Variants in KIAA1614 observed in about 807,000 individuals in gnomAD.
KIAA1614 encodes the protein uncharacterized protein KIAA1614.
Under a neutral mutation model 88.7 loss-of-function variants are expected in KIAA1614, and 76 were observed. The ratio of observed to expected loss-of-function variants is 0.86; its 90% CI spans 0.71 to 1.04. The LOEUF is 1.04. Ranked by LOEUF, KIAA1614 falls within the 50% of genes least tolerant of loss-of-function variation. KIAA1614 has a pLI of 0.00. For missense variants in KIAA1614, 1,553 were observed against 1,582.5 expected, an observed-to-expected ratio of 0.98 and a Z score of 0.32; for synonymous variants, 714 against 675.5, an observed-to-expected ratio of 1.06 and a Z score of -0.88.
In KIAA1614 at chr1:180,916,677, T is replaced by C; in HGVS notation, c.574T>C (p.Trp192Arg). 1.9e-6 allele frequency: 3 copies of C among 1,604,584 alleles called. No homozygotes were observed. Among genetic ancestry groups the C allele is most frequent in the Non-Finnish European group, 2.6e-6 (3 of 1,174,086 alleles). ...RGSPWPPEAEWTLPDHDRGPL... is the reference protein window; with the variant it reads ...RGSPWPPEAERTLPDHDRGPL... ...GAGCCCGTGGCCTCCAGAAGCCGAA[T>C]GGACACTTCCTGACCATGACAGAGG... The change falls in exon 2 of 9, where the codon TGG becomes CGG. Residue 192 changes from tryptophan to arginine, a missense_variant. Physicochemically the swap from Trp to Arg is moderately radical, Grantham distance 101. Coordinates refer to ENST00000367588, the MANE Select transcript of KIAA1614 (RefSeq NM_020950.2).
chr1:180,916,849 T>A lies in KIAA1614; in HGVS notation c.746T>A (p.Val249Glu). 1 of 1,614,220 alleles carries A rather than the reference T, an allele frequency of 6.2e-7. No homozygotes were observed. The highest frequency in any genetic ancestry group is 8.5e-7 in the Non-Finnish European group (1 of 1,180,034). ...GRSYPFPDGV[V>E]TEADLDSTSL... The stretch of plus-strand genomic sequence containing the variant: ...TCCTACCCTTTTCCAGATGGCGTGG[T>A]GACAGAGGCAGATCTGGATAGCACA... Residue 249 changes from valine (V) to glutamate (E), a missense_variant, in exon 2 of 9, where the codon GTG becomes GAG. Transcript: ENST00000367588.
intron 4 of KIAA1614, among the ~76,000 whole-genome samples, chr1:180,931,673 T>C (rs1654200537): frequency 6.6e-6 from 1 of 152,256 alleles, no homozygotes; most frequent in Admixed American, 6.5e-5. Flanking sequence ...AGAACAAAAA[T>C]GTCTGCCTCT....
intron 5 of KIAA1614, among the ~76,000 whole-genome samples, chr1:180,937,357 C>T (rs574529036): frequency 6.7e-4 from 102 of 152,334 alleles, no homozygotes; most frequent in African/African-American, 2.4e-3. Context: ...CCAGACCCTC[C>T]CTGGCCCCTG....
Position 180,950,927 on chromosome 1 carries a change from C to G in KIAA1614, c.*5339C>G, listed in dbSNP as rs761464885. On this transcript the variant is annotated 3_prime_UTR_variant, in exon 9 of 9. Coordinates refer to ENST00000367588, the MANE Select transcript of KIAA1614 (RefSeq NM_020950.2). The stretch of plus-strand genomic sequence containing the variant: ...GGCTACAGCCTCCAACACTGTGGAA[C>G]CAAAGAAAGCACATGTCCATATTGG... 6.6e-6 allele frequency: 1 copy of G among 152,328 alleles called. No individual in the cohort carries two copies. The highest frequency in any genetic ancestry group is 1.5e-5 in the Non-Finnish European group (1 of 68,150). The allele number at this position is 152,328 out of a possible 1,614,324, so 9.4% of individuals were successfully genotyped here. A position where few individuals can be genotyped will look rare whatever the true frequency, so the allele number is the denominator to read the frequency against.
In KIAA1614 at chr1:180,916,627, CT is replaced by C; in HGVS notation, c.525del (p.Gly176AspfsTer74). The C allele has an allele frequency of 2.5e-6, 4 of 1,602,132 alleles. No homozygotes were observed. The highest frequency in any genetic ancestry group is 1.3e-5 in the African/African-American group (1 of 74,790). The stretch of plus-strand genomic sequence containing the variant: ...CCCAGGCTTCCCAGGCCGCCTGCCC[CT>C]GGACGTGAGTACTGCAACAGGGGGA... ...GGPRLPRPPAPGREYCNRGSP... is the reference protein window; with the variant it reads ...GGPRLPRPPAXGREYCNRGSP... On this transcript the variant is annotated frameshift_variant, in exon 2 of 9. Transcript: ENST00000367588. LOFTEE classifies it high-confidence loss of function.
At chr1:180,914,618 C>T (rs988661921) in intron 1 of KIAA1614, among the ~76,000 whole-genome samples, 10 of 149,624 alleles carry the variant, frequency 6.7e-5, no homozygotes, top group South Asian at 6.4e-4. Context: ...GGCGGGATCT[C>T]GCCTCACTGT....
Position 180,936,235 on chromosome 1 carries a change from G to C in KIAA1614, c.2326G>C (p.Val776Leu), listed in dbSNP as rs764507693. The change falls in exon 5 of 9, where the codon GTC (valine) becomes CTC (leucine). Residue 776 changes from valine to leucine, a missense_variant. Coordinates refer to ENST00000367588, the MANE Select transcript of KIAA1614 (RefSeq NM_020950.2). ...VTESHESLEIVSPSSLQQSHA... is the reference protein window; with the variant it reads ...VTESHESLEILSPSSLQQSHA... ...AGAAAGCCACGAGTCCCTGGAAATT[G>C]TCTCTCCTTCCTCCCTGCAACAGAG... is the stretch of plus-strand genomic sequence containing the variant. The C allele has an allele frequency of 1.9e-6, 3 of 1,614,206 alleles. No individual in the cohort carries two copies. The highest frequency in any genetic ancestry group is 2.2e-5 in the East Asian group (1 of 44,894).
intron 2 of KIAA1614, among the ~76,000 whole-genome samples, chr1:180,917,535 G>A (rs75647104): frequency 0.013 from 1,992 of 152,094 alleles, 48 homozygotes; most frequent in African/African-American, 0.045. Context: ...GAGCTCAGAC[G>A]GTAGCACCAA....
Position 180,916,844 on chromosome 1 carries a change from C to T in KIAA1614, c.741C>T (p.Gly247=), listed in dbSNP as rs374668814. 183 of 1,614,116 alleles carry T rather than the reference C, an allele frequency of 1.1e-4. No individual in the cohort carries two copies. Among genetic ancestry groups the T allele is most frequent in the Non-Finnish European group, 1.3e-4 (159 of 1,180,052 alleles). Residue 247 remains glycine, a synonymous_variant, in exon 2 of 9, where the codon GGC becomes GGT. Transcript: ENST00000367588. ...GAAGGTCCTACCCTTTTCCAGATGG[C>T]GTGGTGACAGAGGCAGATCTGGATA... ...RTGRSYPFPD[G]VVTEADLDST... is the part of the protein sequence containing the mutation.
At chr1:180,913,884 A>G (rs1164573972) in intron 1 of KIAA1614, 3 of 152,238 alleles carry the variant, frequency 2.0e-5, no homozygotes, top group East Asian at 3.8e-4. Flanking sequence ...AGATTAACTC[A>G]TAGAACAAAT....
At position 180,935,297 on chromosome 1, in the gene KIAA1614, G is replaced by C. The variant is rs764657961; in HGVS notation, c.1388G>C (p.Arg463Pro). The C allele has an allele frequency of 2.0e-6, 3 of 1,494,846 alleles. No individual in the cohort carries two copies. The highest frequency in any genetic ancestry group is 2.7e-6 in the Non-Finnish European group (3 of 1,126,058). 92.6% of individuals were successfully genotyped at this position (1,494,846 alleles called of 1,614,324 possible). ...EDESAREAEF[R>P]HLERLQQRQR... ...GAGTCCGCCCGCGAAGCCGAGTTCC[G>C]TCACCTGGAGCGGCTGCAGCAGCGC... Residue 463 changes from arginine to proline, a missense_variant, in exon 5 of 9, where the codon CGT becomes CCT. Transcript: ENST00000367588. This position sits in a 1 kb window ranked among gnomAD's most constrained non-coding sequence, Gnocchi z 6.1.
chr1:180,930,131 C>T (rs1311986399), intron 4 of KIAA1614, among the ~76,000 whole-genome samples: 1 of 152,166 alleles, frequency 6.6e-6, no homozygotes, highest in Non-Finnish European at 1.5e-5. Flanking sequence ...TAGGAATGGG[C>T]ATGGTGGGCT....
At chr1:180,925,679 G>T (rs185834601) in intron 3 of KIAA1614, among the ~76,000 whole-genome samples, 7 of 152,356 alleles carry the variant, frequency 4.6e-5, no homozygotes, top group Admixed American at 2.0e-4. Flanking sequence ...TGGCCGAGAC[G>T]GGAGTGCCCA....
rs1571303603 is a variant in KIAA1614, at chr1:180,945,282, G to A, written c.3288-21G>A. 4 of 1,568,952 alleles carry A rather than the reference G, an allele frequency of 2.5e-6. No homozygotes were observed. In the East Asian group the frequency reaches 9.1e-5, roughly 36 times the overall value. On this transcript the variant is annotated intron_variant, in intron 8 of 8. Coordinates refer to ENST00000367588, the MANE Select transcript of KIAA1614 (RefSeq NM_020950.2). ...GTGCCTGATGCTTTTTGCCCTCACT[G>A]TGTCTCTGGTTCCCTCGCAGGCCGG...
At chr1:180,913,374 G>T (rs1169598547) in intron 1 of KIAA1614, 81 bp downstream of exon 1, 2 of 982,134 alleles carry the variant, frequency 2.0e-6, no homozygotes, top group Non-Finnish European at 2.6e-6. Flanking sequence ...AGCCCAGGTC[G>T]CCCCGGCCAC....
At position 180,916,479 on chromosome 1, in the gene KIAA1614, G is replaced by A; in HGVS notation, c.376G>A (p.Ala126Thr). ...ATGCAGACGAGGCAAGGCAGGGAGAGCCGGGACTCCATCAGAGGGGTCTTT... is the reference window on the plus strand; with the variant it reads ...ATGCAGACGAGGCAAGGCAGGGAGAACCGGGACTCCATCAGAGGGGTCTTT... Reference protein sequence around the residue: ...PQCRRGKAGRAGTPSEGSFLP... With the variant: ...PQCRRGKAGRTGTPSEGSFLP... The change falls in exon 2 of 9, where the codon GCC (alanine) becomes ACC (threonine). Residue 126 changes from alanine to threonine, a missense_variant. Physicochemically the swap from Ala to Thr is moderately conservative, Grantham distance 58. Coordinates refer to ENST00000367588, the MANE Select transcript of KIAA1614 (RefSeq NM_020950.2). The A allele has an allele frequency of 1.2e-6, 2 of 1,614,144 alleles. No homozygotes were observed. Among genetic ancestry groups the A allele is most frequent in the Non-Finnish European group, 1.7e-6 (2 of 1,180,042 alleles).
rs369285779 is a variant in KIAA1614 at position 180,950,330 on chromosome 1, T to G, written c.*4742T>G. ...GTGTCATTGTGAAATTCTCCTGTTTTCCTCTGCAGGGATCTACGTGCAGGA... is the reference window on the plus strand; with the variant it reads ...GTGTCATTGTGAAATTCTCCTGTTTGCCTCTGCAGGGATCTACGTGCAGGA... On this transcript the variant is annotated 3_prime_UTR_variant, in exon 9 of 9. Transcript: ENST00000367588. 32 of 1,176,184 alleles carry G rather than the reference T, an allele frequency of 2.7e-5. No homozygotes were observed. The East Asian group carries it at 8.9e-4, about 33-fold the overall frequency. The allele number at this position is 1,176,184 out of a possible 1,614,324, so 72.9% of individuals were successfully genotyped here. A position where few individuals can be genotyped will look rare whatever the true frequency, so the allele number is the denominator to read the frequency against.
intron 4 of KIAA1614, among the ~76,000 whole-genome samples, chr1:180,931,179 T>C (rs1654189882): frequency 6.6e-6 from 1 of 152,146 alleles, no homozygotes; most frequent in Non-Finnish European, 1.5e-5. Flanking sequence ...AGCACAAGAT[T>C]TTGCCATTTT....
chr1:180,935,567 C>G lies in KIAA1614; in HGVS notation c.1658C>G (p.Ala553Gly). 2.5e-6 allele frequency: 4 copies of G among 1,602,114 alleles called. No homozygotes were observed. The highest frequency in any genetic ancestry group is 3.4e-6 in the Non-Finnish European group (4 of 1,174,616). ...IDDPRPAQGK[A>G]PPVPRTLQEL... Reference sequence around the variant, plus strand: ...GACCCGCGCCCCGCCCAGGGGAAGGCGCCCCCCGTCCCCAGGACCCTCCAG... The same window carrying G: ...GACCCGCGCCCCGCCCAGGGGAAGGGGCCCCCCGTCCCCAGGACCCTCCAG... The change falls in exon 5 of 9, where the codon GCG becomes GGG. Residue 553 changes from alanine (A) to glycine (G), a missense_variant. Physicochemically the swap from Ala to Gly is moderately conservative, Grantham distance 60 (BLOSUM62 0). Transcript: ENST00000367588. The surrounding 1 kb of genome is among the most constrained non-coding windows in gnomAD (Gnocchi z 6.1).
Sources: gnomAD v4.1 joint callset for allele counts (sites outside exome capture counted in the v4.1 genomes callset) on GRCh38, gnomAD v4.1.1 for gene constraint, Gnocchi (gnomAD v3.1) non-coding constraint, MANE v1.5 for transcripts, NCBI Gene and HGNC (gene_info 2026-07-23, HGNC 2026-07-21) for gene names.